The following DOCK10 variants were observed in gnomAD, a reference collection of about 807,000 sequenced individuals.
DOCK10 encodes the protein dedicator of cytokinesis protein 10.
A neutral mutation model predicts 280.1 loss-of-function variants in DOCK10; 145 were observed. That is an observed-to-expected ratio of 0.52 (90% CI 0.45 to 0.59). The LOEUF (loss-of-function observed/expected upper bound fraction) is 0.59, where lower values mean the gene tolerates loss of function less well. Among genes scored for constraint, DOCK10 ranks in the 20% least tolerant of loss-of-function variants. The pLI is 0.00. For missense variants in DOCK10, 2,368 were observed against 2,651.7 expected, an observed-to-expected ratio of 0.89 and a Z score of 2.35; for synonymous variants, 915 against 942.2, an observed-to-expected ratio of 0.97 and a Z score of 0.53.
chr2:224,929,846 G>A (rs1433329896), intron 2 of DOCK10, among the ~76,000 whole-genome samples: 1 of 152,078 alleles, frequency 6.6e-6, no homozygotes, highest in African/African-American at 2.4e-5. Context: ...TATTTTTGAA[G>A]GACATAACTA....
At chr2:225,036,895 C>T (rs1198647054) in intron 1 of DOCK10, among the ~76,000 whole-genome samples, 2 of 145,318 alleles carry the variant, frequency 1.4e-5, no homozygotes, top group African/African-American at 5.1e-5. Context: ...TCTAACTTTC[C>T]TAATACTGTT....
chr2:224,820,651 G>A (rs993085635), intron 28 of DOCK10, among the ~76,000 whole-genome samples: 11 of 152,200 alleles, frequency 7.2e-5, no homozygotes, highest in Non-Finnish European at 1.3e-4. Flanking sequence ...ATCTTGCTAT[G>A]GAGAGTGGAC....
chr2:224,812,730 A>G (rs1013187326), intron 31 of DOCK10, among the ~76,000 whole-genome samples: 2 of 152,214 alleles, frequency 1.3e-5, no homozygotes, highest in Non-Finnish European at 2.9e-5. Context: ...CCTTTTCTGC[A>G]TCTCTTGAGA....
At chr2:224,959,102 T>A (rs1256819244) in intron 1 of DOCK10, among the ~76,000 whole-genome samples, 1 of 152,202 alleles carries the variant, frequency 6.6e-6, no homozygotes, top group Non-Finnish European at 1.5e-5. Flanking sequence ...AGTTCTGAAT[T>A]TGTGTTGACT....
intron 1 of DOCK10, among the ~76,000 whole-genome samples, chr2:225,005,461 A>AT: frequency 6.6e-6 from 1 of 152,320 alleles, no homozygotes; most frequent in East Asian, 1.9e-4. Context: ...CACCATCTTG[A>AT]TTTTTGCCAA....
In DOCK10 at chr2:224,806,189, C is replaced by T; in HGVS notation, c.3751G>A (p.Ala1251Thr). 1 of 1,611,052 alleles carries T rather than the reference C, an allele frequency of 6.2e-7. No individual in the cohort carries two copies. Among genetic ancestry groups the T allele is most frequent in the African/African-American group, 1.3e-5 (1 of 74,676 alleles). Residue 1251 changes from alanine (A) to threonine (T), a missense_variant, in exon 34 of 56, where the codon GCT becomes ACT. Physicochemically the swap from Ala to Thr is moderately conservative, Grantham distance 58. Around this residue, in one of 2 missense-constraint regions of DOCK10, gnomAD observed 1,159 missense variants for 1,400.8 expected, o/e 0.83. Transcript: ENST00000258390. ...STNGGFQSQT[A>T]IKHANSVDTS... is the part of the protein sequence containing the mutation. Reference sequence around the variant, plus strand: ...TCCACAGAGTTTGCATGTTTGATAGCTGTCTGGCTTTGAAATCCTCCATTG... The same window carrying T: ...TCCACAGAGTTTGCATGTTTGATAGTTGTCTGGCTTTGAAATCCTCCATTG...
rs1197207413 is a variant in DOCK10 at position 224,913,901 on chromosome 2, G to GT, written c.333+2793_333+2794insA. Among the ~76,000 whole-genome samples, 215 of 151,220 alleles carry GT rather than the reference G, an allele frequency of 1.4e-3. 1 individual carries two copies. Among genetic ancestry groups the GT allele is most frequent in the East Asian group, 0.011 (56 of 5,156 alleles). On this transcript the variant is annotated intron_variant, in intron 3 of 55. Transcript: ENST00000258390. ...CGCCACCACGTCTGGCTAATTTTTTGGTTTTTTTTTGTATTTTTAGTAGAG... is the reference window on the plus strand; with the variant it reads ...CGCCACCACGTCTGGCTAATTTTTTGTGTTTTTTTTTGTATTTTTAGTAGAG...
intron 1 of DOCK10, among the ~76,000 whole-genome samples, chr2:225,014,080 T>TAC: frequency 1.1e-5 from 1 of 89,942 alleles, no homozygotes; most frequent in Non-Finnish European, 2.3e-5. Context: ...AGTCTGAATA[T>TAC]ATTGTTTTTT....
intron 1 of DOCK10, among the ~76,000 whole-genome samples, chr2:225,017,110 C>CAA (rs11402421): frequency 0.31 from 42,909 of 138,132 alleles, 7,967 homozygotes; most frequent in East Asian, 0.52. Context: ...AAAATTAAAC[C>CAA]AAAAAAAAAA....
chr2:224,867,467 A>T (rs953016779), intron 11 of DOCK10, among the ~76,000 whole-genome samples: 2 of 152,244 alleles, frequency 1.3e-5, no homozygotes, highest in Non-Finnish European at 2.9e-5. Context: ...GCTCACCCAA[A>T]TCCATGCCTC....
chr2:224,996,515 C>A (rs1395041796), intron 1 of DOCK10, among the ~76,000 whole-genome samples: 1 of 152,164 alleles, frequency 6.6e-6, no homozygotes, highest in African/African-American at 2.4e-5. Context: ...CAAACTAGAA[C>A]CCTTTGAAAG....
At chr2:224,821,178 T>C (rs1694482119) in intron 28 of DOCK10, among the ~76,000 whole-genome samples, 1 of 152,280 alleles carries the variant, frequency 6.6e-6, no homozygotes, top group African/African-American at 2.4e-5. Flanking sequence ...TACCTTTTAA[T>C]GTAGAACATT....
chr2:224,856,928 T>A lies in DOCK10; in HGVS notation c.1740A>T (p.Pro580=), dbSNP rs1472011120. The A allele has an allele frequency of 3.1e-6, 5 of 1,612,414 alleles. No homozygotes were observed. The highest frequency in any genetic ancestry group is 4.2e-6 in the Non-Finnish European group (5 of 1,178,900). The change falls in exon 15 of 56, where the codon CCA becomes CCT. Residue 580 remains proline (P), a synonymous_variant. Coordinates refer to ENST00000258390, the MANE Select transcript of DOCK10 (RefSeq NM_014689.3). ...GNVDRDSRFS[P]LFRQESSKIS... is the part of the protein sequence containing the mutation. ...TCTTGCTACTTTCTTGTCTAAACAA[T>A]GGTGAAAATCTTGAGTCTCTGTCCA... is the stretch of plus-strand genomic sequence containing the variant.
At chr2:224,788,873 G>C (rs944628601) in intron 48 of DOCK10, among the ~76,000 whole-genome samples, 191 bp downstream of exon 48, 1 of 152,154 alleles carries the variant, frequency 6.6e-6, no homozygotes, top group Non-Finnish European at 1.5e-5. Flanking sequence ...AGAGAAGTAA[G>C]ACTTAGTTTA....
intron 51 of DOCK10, 81 bp downstream of exon 51, chr2:224,778,057 G>A: frequency 7.2e-7 from 1 of 1,397,752 alleles, no homozygotes; most frequent in South Asian, 1.3e-5. Flanking sequence ...TCGTCAGGCA[G>A]AAAATGAAAA....
intron 25 of DOCK10, among the ~76,000 whole-genome samples, chr2:224,837,106 T>G (rs1260386132): frequency 6.6e-6 from 1 of 152,244 alleles, no homozygotes; most frequent in Non-Finnish European, 1.5e-5. Flanking sequence ...GGGTTCTTTC[T>G]TTTCATTCAA....
At chr2:224,841,395 C>T (rs995376170) in intron 23 of DOCK10, among the ~76,000 whole-genome samples, 9 of 151,870 alleles carry the variant, frequency 5.9e-5, no homozygotes, top group South Asian at 2.1e-4. Flanking sequence ...AAAATGAATA[C>T]GTTAGAAAAA....
At chr2:225,004,294 T>G (rs1706515004) in intron 1 of DOCK10, among the ~76,000 whole-genome samples, 1 of 151,798 alleles carries the variant, frequency 6.6e-6, no homozygotes, top group Non-Finnish European at 1.5e-5. Context: ...GAAGAAAAGG[T>G]GGGAAAGACA....
intron 25 of DOCK10, among the ~76,000 whole-genome samples, chr2:224,836,127 T>A (rs546887767): frequency 3.2e-4 from 49 of 152,352 alleles, no homozygotes; most frequent in African/African-American, 1.2e-3. Flanking sequence ...GAAATGGAGA[T>A]GCCTGTGTGT....
Sources: allele counts gnomAD v4.1 joint callset (sites outside exome capture counted in the v4.1 genomes callset), GRCh38; gene constraint gnomAD v4.1.1; regional missense constraint gnomAD v4.1.1; transcripts MANE v1.5; gene names NCBI Gene and HGNC (gene_info 2026-07-23, HGNC 2026-07-21).